ARAP2: variants seen among roughly 807,000 people sequenced by gnomAD.
ARAP2 encodes ArfGAP with RhoGAP domain, ankyrin repeat and PH domain 2.
A neutral mutation model predicts 194.5 loss-of-function variants in ARAP2; 148 were observed. The ratio of observed to expected loss-of-function variants is 0.76; its 90% CI spans 0.67 to 0.87. The LOEUF (loss-of-function observed/expected upper bound fraction) is 0.87. Ranked by LOEUF, ARAP2 falls within the 40% of genes least tolerant of loss-of-function variation. The pLI is 0.00. For missense variants in ARAP2, 2,128 were observed against 1,989.7 expected (o/e 1.07, Z -1.32); for synonymous variants, 695 against 683.5 (o/e 1.02, Z -0.26).
At chr4:36,082,143 A>G in intron 30 of ARAP2, 108 bp downstream of exon 30, 1 of 1,047,670 alleles carries the variant, frequency 9.5e-7, no homozygotes, top group South Asian at 1.5e-5. Flanking sequence ...AATTTCACTT[A>G]GGCAAAACAC....
intron 9 of ARAP2, among the ~76,000 whole-genome samples, chr4:36,009,423 C>T (rs1713969055): frequency 6.6e-6 from 1 of 151,916 alleles, no homozygotes; most frequent in Non-Finnish European, 1.5e-5. Context: ...AACAGATAAC[C>T]AAATCATGCT....
Position 36,164,956 on chromosome 4 carries a change from C to T in ARAP2, c.2131G>A (p.Ala711Thr), listed in dbSNP as rs1734934137. The change falls in exon 11 of 33, where the codon GCA (alanine) becomes ACA (threonine). Residue 711 changes from alanine to threonine, a missense_variant. Transcript: ENST00000303965. ...ADCKAPDPDW[A>T]SINLCVVICK... is the part of the protein sequence containing the mutation. Reference sequence around the variant, plus strand: ...ATGACAACACAGAGATTGATGGATGCCCAGTCAGGATCTGGGGCTTTACAA... The same window carrying T: ...ATGACAACACAGAGATTGATGGATGTCCAGTCAGGATCTGGGGCTTTACAA... 1.2e-6 allele frequency: 2 copies of T among 1,614,054 alleles called. No individual in the cohort carries two copies. The highest frequency in any genetic ancestry group is 2.2e-5 in the East Asian group (1 of 44,882).
rs200533187 is a variant in ARAP2, at chr4:36,133,318, C to T, written c.3335G>A (p.Gly1112Asp). 6.2e-7 allele frequency: 1 copy of T among 1,611,374 alleles called. No homozygotes were observed. The highest frequency in any genetic ancestry group is 8.5e-7 in the Non-Finnish European group (1 of 1,178,306). The change falls in exon 20 of 33, where the codon GGT becomes GAT. Residue 1112 changes from glycine to aspartate, a missense_variant. Coordinates refer to ENST00000303965, the MANE Select transcript of ARAP2 (RefSeq NM_015230.4). Reference sequence around the variant, plus strand: ...ATCTTGTAAAGCATTACCATCTGTACCTGCTGCTTTTTCAATTGCAGTATG... The same window carrying T: ...ATCTTGTAAAGCATTACCATCTGTATCTGCTGCTTTTTCAATTGCAGTATG... The part of the protein sequence containing the change: ...VWHTAIEKAA[G>D]TDGNALQDQQ...
At position 36,023,282 on chromosome 4, in the gene ARAP2, C is replaced by T. The variant is rs147439166; in HGVS notation, n.608-3996G>A. Among the ~76,000 whole-genome samples, 56 of 152,164 alleles carry T rather than the reference C, an allele frequency of 3.7e-4. No homozygotes were observed. In the East Asian group the frequency reaches 7.5e-3, roughly 20 times the overall value. On this transcript the variant is annotated intron_variant and non_coding_transcript_variant, in intron 5 of 12. Transcript: ENST00000503225. ...TCCCCTTTGAGTGTGATGGAATGGA[C>T]GAGATGAATCATTTGCTTGTATAGC...
In ARAP2 at chr4:36,244,307, C is replaced by G. The variant is rs1054203557; in HGVS notation, c.-288G>C. ...CCGGAGGCGCCAGGCCTCCTCTTTC[C>G]CGGTCCCCGCCGGCTGTCCGCAGTC... On this transcript the variant is annotated 5_prime_UTR_variant, in exon 1 of 33. Coordinates refer to ENST00000303965, the MANE Select transcript of ARAP2 (RefSeq NM_015230.4). 5 of 151,836 alleles carry G rather than the reference C, an allele frequency of 3.3e-5. No homozygotes were observed. Among genetic ancestry groups the G allele is most frequent in the Non-Finnish European group, 7.4e-5 (5 of 67,902 alleles). 9.4% of individuals were successfully genotyped at this position (151,836 alleles called of 1,614,324 possible).
At chr4:36,005,955 C>T (rs1176476492) in intron 10 of ARAP2, 1 of 152,214 alleles carries the variant, frequency 6.6e-6, no homozygotes, top group African/African-American at 2.4e-5. Context: ...CCATTTGATG[C>T]AACTAGCTTC....
intron 9 of ARAP2, chr4:36,007,135 G>A (rs1430726759): frequency 6.6e-6 from 1 of 152,106 alleles, no homozygotes; most frequent in Non-Finnish European, 1.5e-5. Context: ...TAAACATGAT[G>A]GAACCATGTC....
intron 8 of ARAP2, 28 bp from the exon 9 acceptor site, chr4:36,178,033 TA>T: frequency 1.3e-6 from 2 of 1,555,500 alleles, no homozygotes. Flanking sequence ...AGAAAATACA[TA>T]AATCCACATA....
chr4:36,151,242 G>A lies in ARAP2; in HGVS notation c.2753-198C>T, dbSNP rs2109726109. 2.6e-5 allele frequency among the ~76,000 whole-genome samples: 4 copies of A among 152,234 alleles called. No individual in the cohort carries two copies. The South Asian group carries it at 8.3e-4, about 32-fold the overall frequency. Reference sequence around the variant, plus strand: ...TGCTCTCCAAAGAATTTACAATCTAGTAGCAAGGAATGTACAAAACAAAAA... The same window carrying A: ...TGCTCTCCAAAGAATTTACAATCTAATAGCAAGGAATGTACAAAACAAAAA... On this transcript the variant is annotated intron_variant, in intron 15 of 32. Coordinates refer to ENST00000303965, the MANE Select transcript of ARAP2 (RefSeq NM_015230.4).
intron 27 of ARAP2, among the ~76,000 whole-genome samples, chr4:36,096,736 T>C (rs1472791054): frequency 6.6e-6 from 1 of 152,160 alleles, no homozygotes; most frequent in Non-Finnish European, 1.5e-5. Flanking sequence ...CTGAAAAATA[T>C]ACTGCTAAAA....
intron 17 of ARAP2, 66 bp from the exon 18 acceptor site, chr4:36,147,812 G>C: frequency 7.9e-7 from 1 of 1,265,504 alleles, no homozygotes; most frequent in Non-Finnish European, 1.1e-6. Context: ...CCTATCTACT[G>C]ATATGAGAGA....
At chr4:36,036,091 A>G (rs1332886786) in intron 5 of ARAP2, among the ~76,000 whole-genome samples, 1 of 152,240 alleles carries the variant, frequency 6.6e-6, no homozygotes, top group African/African-American at 2.4e-5. Context: ...GCTTCTCCTT[A>G]AAATTACACT....
At chr4:36,244,148 GC>G (rs1222872074) in intron 1 of ARAP2, 30 bp downstream of exon 1, 3 of 152,194 alleles carry the variant, frequency 2.0e-5, no homozygotes, top group African/African-American at 7.2e-5. Context: ...GGCCATCCCG[GC>G]CCAGCCTTCC....
At chr4:36,155,445 G>C (rs1316245805) in intron 15 of ARAP2, among the ~76,000 whole-genome samples, 1 of 152,070 alleles carries the variant, frequency 6.6e-6, no homozygotes, top group South Asian at 2.1e-4. Flanking sequence ...CCAGACTGAG[G>C]GAAGTGCCCT....
intron 29 of ARAP2, 115 bp downstream of exon 29, chr4:36,083,253 T>C (rs531239978): frequency 1.3e-5 from 10 of 766,338 alleles, no homozygotes; most frequent in East Asian, 8.4e-5. Context: ...TTAAAAAAAA[T>C]AGCCTAAAAC....
rs755763052 is a variant in ARAP2 at position 36,158,836 on chromosome 4, C to G, written c.2646G>C (p.Glu882Asp). 1 of 1,603,894 alleles carries G rather than the reference C, an allele frequency of 6.2e-7. No individual in the cohort carries two copies. The highest frequency in any genetic ancestry group is 8.5e-7 in the Non-Finnish European group (1 of 1,177,226). The change falls in exon 15 of 33, where the codon GAG becomes GAC. Residue 882 changes from glutamate (E) to aspartate (D), a missense_variant. Coordinates refer to ENST00000303965, the MANE Select transcript of ARAP2 (RefSeq NM_015230.4). The part of the protein sequence containing the change: ...SDFPQHDIHS[E>D]GVLSQESSQS... ...GGGAAGACTCTTGACTTAATACACCCTCGGAATGAATATCATGTTGAGGGA... is the reference window on the plus strand; with the variant it reads ...GGGAAGACTCTTGACTTAATACACCGTCGGAATGAATATCATGTTGAGGGA...
At chr4:36,029,593 G>A (rs1036854470) in intron 5 of ARAP2, among the ~76,000 whole-genome samples, 1 of 151,944 alleles carries the variant, frequency 6.6e-6, no homozygotes, top group African/African-American at 2.4e-5. Context: ...CACAAGTTAA[G>A]TTGATTTCTA....
intron 9 of ARAP2, among the ~76,000 whole-genome samples, chr4:36,175,520 G>C (rs1371558657): frequency 6.6e-6 from 1 of 151,958 alleles, no homozygotes; most frequent in Non-Finnish European, 1.5e-5. Context: ...GCTCATTCTT[G>C]AGCCAACTCA....
intron 15 of ARAP2, among the ~76,000 whole-genome samples, chr4:36,156,443 G>GAGAAAGAA (rs1277441934): frequency 3.1e-4 from 5 of 16,246 alleles, no homozygotes; most frequent in African/African-American, 1.6e-3. Context: ...AAGAAAGAAA[G>GAGAAAGAA]AGAAAGAAAG....
Sources: gnomAD v4.1 joint callset for allele counts (sites outside exome capture counted in the v4.1 genomes callset) on GRCh38, gnomAD v4.1.1 for gene constraint, MANE v1.5 for transcripts, NCBI Gene and HGNC (gene_info 2026-07-23, HGNC 2026-07-21) for gene names.